ADAM2: variants seen among roughly 807,000 people sequenced by gnomAD.
ADAM2 encodes the protein disintegrin and metalloproteinase domain-containing protein 2.
In ADAM2, 101 loss-of-function variants were observed where a neutral mutation model predicts 99.3. The ratio of observed to expected loss-of-function variants is 1.02; its 90% CI spans 0.87 to 1.20. ADAM2 has a LOEUF of 1.20. ADAM2 is among the 50% of genes most tolerant of loss of function. The probability of loss-of-function intolerance (pLI) is 0.00; values close to 1 mark genes in which losing one functional copy is unlikely to be tolerated. For synonymous variants in ADAM2, 323 were observed against 287.6 expected, an observed-to-expected ratio of 1.12 and a Z score of -1.25; for missense variants, 948 against 878.7, an observed-to-expected ratio of 1.08 and a Z score of -1.00.
intron 7 of ADAM2, among the ~76,000 whole-genome samples, chr8:39,808,875 C>A (rs2129586905): frequency 6.6e-6 from 1 of 152,204 alleles, no homozygotes; most frequent in South Asian, 2.1e-4. Context: ...GAGATCATGC[C>A]ATTGCACTCC....
chr8:39,787,800 T>A (rs1462286014), intron 9 of ADAM2, among the ~76,000 whole-genome samples: 1 of 151,704 alleles, frequency 6.6e-6, no homozygotes, highest in Non-Finnish European at 1.5e-5. Flanking sequence ...CAAATAGATA[T>A]TGTGAAAATT....
chr8:39,774,976 A>G (rs1802929609), intron 11 of ADAM2, among the ~76,000 whole-genome samples: 4 of 152,060 alleles, frequency 2.6e-5, no homozygotes. Context: ...TCTAGGAAGC[A>G]GGAATAAGGG....
intron 1 of ADAM2, 41 bp from the exon 2 acceptor site, chr8:39,837,253 C>G (rs745985124): frequency 3.6e-6 from 5 of 1,401,494 alleles, no homozygotes; most frequent in Admixed American, 3.6e-5. Context: ...CAATGCCCAT[C>G]ATTTCAGAGC....
intron 7 of ADAM2, among the ~76,000 whole-genome samples, chr8:39,804,712 T>C (rs1165712516): frequency 1.3e-5 from 2 of 152,172 alleles, no homozygotes; most frequent in East Asian, 1.9e-4. Flanking sequence ...TATTAAAATA[T>C]GGGACAGTCA....
At chr8:39,809,808 G>C (rs774300255) in intron 6 of ADAM2, among the ~76,000 whole-genome samples, 18 of 152,032 alleles carry the variant, frequency 1.2e-4, no homozygotes, top group Non-Finnish European at 1.0e-4. Context: ...GGAAAAACCG[G>C]TACCAGCCAC....
intron 14 of ADAM2, among the ~76,000 whole-genome samples, chr8:39,763,172 G>A (rs533443298): frequency 1.3e-5 from 2 of 152,090 alleles, no homozygotes; most frequent in South Asian, 4.2e-4. Flanking sequence ...TTACCAGGTG[G>A]CTAGGGCTAC....
intron 7 of ADAM2, among the ~76,000 whole-genome samples, chr8:39,791,492 G>A (rs145628406): frequency 1.3e-5 from 2 of 152,156 alleles, no homozygotes; most frequent in Non-Finnish European, 2.9e-5. Context: ...GTATCTGAAG[G>A]AGGGTTGTGG....
rs539298868 is a variant in ADAM2 at position 39,762,063 on chromosome 8, G to A, written c.1508-782C>T. Among the ~76,000 whole-genome samples, 7 of 152,296 alleles carry A rather than the reference G, an allele frequency of 4.6e-5. No individual in the cohort carries two copies. In the East Asian group the frequency reaches 1.3e-3, roughly 29 times the overall value. On this transcript the variant is annotated intron_variant, in intron 14 of 20. Coordinates refer to ENST00000265708, the MANE Select transcript of ADAM2 (RefSeq NM_001464.5). Reference sequence around the variant, plus strand: ...CGCGCCATTGCACTCCAGCCTGGGCGACAGAGCGAGACTGCGTCTCAAAGG... The same window carrying A: ...CGCGCCATTGCACTCCAGCCTGGGCAACAGAGCGAGACTGCGTCTCAAAGG...
rs546887609 is a variant in ADAM2, at chr8:39,815,567, A to G, written c.513+5435T>C. Among the ~76,000 whole-genome samples, 4 of 152,338 alleles carry G rather than the reference A, an allele frequency of 2.6e-5. 1 individual carries two copies. In the South Asian group the frequency reaches 8.3e-4, roughly 32 times the overall value. The stretch of plus-strand genomic sequence containing the variant: ...GATGTTTCTTTGAATATGCTTATTT[A>G]TTCATGTTTTGTAAGTGAACTTAAT... On this transcript the variant is annotated intron_variant, in intron 6 of 20. Transcript: ENST00000265708.
intron 7 of ADAM2, among the ~76,000 whole-genome samples, chr8:39,789,066 G>A (rs907618396): frequency 6.6e-6 from 1 of 151,500 alleles, no homozygotes; most frequent in South Asian, 2.1e-4. Flanking sequence ...TTAGATGTGT[G>A]TATAGGAGAC....
At position 39,820,996 on chromosome 8, in the gene ADAM2, A is replaced by AC. The variant is rs1805155705; in HGVS notation, c.513+5dup. The AC allele has an allele frequency of 6.4e-7, 1 of 1,556,528 alleles. No homozygotes were observed. The highest frequency in any genetic ancestry group is 1.2e-5 in the South Asian group (1 of 84,600). ...AACCATAGAGTTTGTTCAATTAATC[A>AC]CCTACCTCTACGCTTTGTAATTTAA... On this transcript the variant is annotated splice_donor_region_variant and intron_variant, in intron 6 of 20. Coordinates refer to ENST00000265708, the MANE Select transcript of ADAM2 (RefSeq NM_001464.5).
chr8:39,788,102 A>G lies in ADAM2; in HGVS notation c.792T>C (p.Asp264=), dbSNP rs1355673487. The change falls in exon 9 of 21, where the codon GAT becomes GAC. Residue 264 remains aspartate (D), a synonymous_variant. Transcript: ENST00000265708. ...ATCCTTACACAAGTAAAAATGCCAC[A>G]TCATGAGGACGTAAAACAAGATAAG... The part of the protein sequence containing the change: ...KTSYLVLRPH[D]VAFLLVYREK... 2.6e-6 allele frequency: 4 copies of G among 1,543,012 alleles called. No homozygotes were observed. The highest frequency in any genetic ancestry group is 1.4e-5 in the African/African-American group (1 of 71,326).
intron 16 of ADAM2, among the ~76,000 whole-genome samples, chr8:39,752,406 T>C (rs1271903791): frequency 2.6e-5 from 4 of 152,170 alleles, no homozygotes; most frequent in African/African-American, 9.7e-5. Context: ...ACAGTCAAAA[T>C]GGTAGAAAAT....
At chr8:39,786,654 A>G (rs1803478423) in intron 10 of ADAM2, among the ~76,000 whole-genome samples, 1 of 152,136 alleles carries the variant, frequency 6.6e-6, no homozygotes, top group Non-Finnish European at 1.5e-5. Flanking sequence ...AGGAAAACAT[A>G]TAAAATCTAA....
At position 39,766,779 on chromosome 8, in the gene ADAM2, A is replaced by G. The variant is rs914189025; in HGVS notation, c.1507+69T>C. The stretch of plus-strand genomic sequence containing the variant: ...GACATTTTAAAAATCACAATCATGT[A>G]TCAGCATCTATTTCTGTTCAGTTTC... On this transcript the variant is annotated intron_variant, in intron 14 of 20. Transcript: ENST00000265708. The G allele has an allele frequency of 1.4e-5, 14 of 1,005,900 alleles. No individual in the cohort carries two copies. The African/African-American group carries it at 1.8e-4, about 13-fold the overall frequency. The allele number at this position is 1,005,900 out of a possible 1,614,324, so 62.3% of individuals were successfully genotyped here.
In ADAM2 at chr8:39,761,266, G is replaced by A. The variant is rs1453580938; in HGVS notation, c.1523C>T (p.Pro508Leu). The stretch of plus-strand genomic sequence containing the variant: ...ATTAAGGTGAGAATAACATTCTGAA[G>A]GGCCAAACTCTACTTCTGAAAATAA... Reference protein sequence around the residue: ...DTFGKEVEFGPSECYSHLNSK... With the variant: ...DTFGKEVEFGLSECYSHLNSK... Residue 508 changes from proline (P) to leucine (L), a missense_variant, in exon 15 of 21, where the codon CCT becomes CTT. Pro to Leu is a moderately conservative substitution (Grantham distance 98). Coordinates refer to ENST00000265708, the MANE Select transcript of ADAM2 (RefSeq NM_001464.5). The A allele has an allele frequency of 6.3e-7, 1 of 1,596,996 alleles. No individual in the cohort carries two copies. The highest frequency in any genetic ancestry group is 2.3e-5 in the East Asian group (1 of 44,224).
intron 7 of ADAM2, among the ~76,000 whole-genome samples, chr8:39,791,784 G>T (rs1234258298): frequency 6.6e-6 from 1 of 151,912 alleles, no homozygotes; most frequent in Admixed American, 6.6e-5. Flanking sequence ...CAGGGATTTT[G>T]TTTCTCTCCT....
At chr8:39,829,259 G>A (rs991301536) in intron 3 of ADAM2, among the ~76,000 whole-genome samples, 1 of 151,868 alleles carries the variant, frequency 6.6e-6, no homozygotes, top group African/African-American at 2.4e-5. Flanking sequence ...CATAATGGAA[G>A]AATTATCTTT....
rs1030957699 is a variant in ADAM2 at position 39,811,211 on chromosome 8, A to T, written c.514-1745T>A. Among the ~76,000 whole-genome samples, 3 of 152,238 alleles carry T rather than the reference A, an allele frequency of 2.0e-5. No individual in the cohort carries two copies. In the South Asian group the frequency reaches 6.2e-4, roughly 31 times the overall value. Reference sequence around the variant, plus strand: ...AGAAGAAATGGATAAATTCCTGGACACATACATCCTCCCAAGACTAAACCA... The same window carrying T: ...AGAAGAAATGGATAAATTCCTGGACTCATACATCCTCCCAAGACTAAACCA... On this transcript the variant is annotated intron_variant, in intron 6 of 20. Coordinates refer to ENST00000265708, the MANE Select transcript of ADAM2 (RefSeq NM_001464.5).
Sources: gnomAD v4.1 joint callset for allele counts (sites outside exome capture counted in the v4.1 genomes callset) on GRCh38, gnomAD v4.1.1 for gene constraint, MANE v1.5 for transcripts, NCBI Gene and HGNC (gene_info 2026-07-23, HGNC 2026-07-21) for gene names.